ATP9A: variants seen among roughly 807,000 people sequenced by gnomAD.
ATP9A encodes the protein probable phospholipid-transporting ATPase IIA.
ATP9A carries 52 observed loss-of-function variants against 144.1 expected under a neutral mutation model. The observed-to-expected ratio is 0.36, with a 90% CI of 0.29 to 0.45. The LOEUF is 0.45. Among genes scored for constraint, ATP9A ranks in the 20% least tolerant of loss-of-function variants. The probability of loss-of-function intolerance (pLI) is 1.00; values close to 1 mark genes in which losing one functional copy is unlikely to be tolerated. For missense variants in ATP9A, 947 were observed against 1,392.7 expected (o/e 0.68, Z 5.09); for synonymous variants, 582 against 557.4 (o/e 1.04, Z -0.62).
Position 51,618,666 on chromosome 20 carries a change from T to C in ATP9A, c.2346A>G (p.Ala782=). ...LQERTGKLTC[A]VGDGGNDVSM... ...CACAGCCTGAGCCTCGCCTACCTACTGCACAGGTGAGCTTGCCCGTGCGCT... is the reference window on the plus strand; with the variant it reads ...CACAGCCTGAGCCTCGCCTACCTACCGCACAGGTGAGCTTGCCCGTGCGCT... Residue 782 remains alanine (A), a synonymous_variant, in exon 21 of 28, where the codon GCA becomes GCG. Transcript: ENST00000338821. The C allele has an allele frequency of 6.2e-7, 1 of 1,611,464 alleles. No homozygotes were observed. The highest frequency in any genetic ancestry group is 8.5e-7 in the Non-Finnish European group (1 of 1,179,784).
chr20:51,639,326 G>A lies in ATP9A; in HGVS notation c.1668+17C>T, dbSNP rs747247842. 1.9e-6 allele frequency: 3 copies of A among 1,584,546 alleles called. No individual in the cohort carries two copies. The highest frequency in any genetic ancestry group is 1.7e-6 in the Non-Finnish European group (2 of 1,162,200). On this transcript the variant is annotated intron_variant, in intron 15 of 27. Coordinates refer to ENST00000338821, the MANE Select transcript of ATP9A (RefSeq NM_006045.3). The stretch of plus-strand genomic sequence containing the variant: ...GGGGTACTTAAGCACTTTAAGCCAT[G>A]AATAAAAACGACTCACCCGCACGAT...
At chr20:51,747,479 C>T (rs1182493952) in intron 1 of ATP9A, among the ~76,000 whole-genome samples, 1 of 151,966 alleles carries the variant, frequency 6.6e-6, no homozygotes, top group East Asian at 1.9e-4. Flanking sequence ...CATATACACT[C>T]CAGGGAAAGA....
intron 1 of ATP9A, among the ~76,000 whole-genome samples, chr20:51,730,908 C>A (rs1001764961): frequency 6.6e-6 from 1 of 152,190 alleles, no homozygotes; most frequent in East Asian, 1.9e-4. Context: ...GTGGTTTATG[C>A]CTATAATCCC....
chr20:51,615,700 A>G (rs2077200577), intron 22 of ATP9A, among the ~76,000 whole-genome samples: 1 of 152,146 alleles, frequency 6.6e-6, no homozygotes, highest in Admixed American at 6.5e-5. Flanking sequence ...CAGTGGCACA[A>G]TCTCCGCTCA....
At chr20:51,623,395 C>T (rs1380256088) in intron 18 of ATP9A, among the ~76,000 whole-genome samples, 2 of 152,146 alleles carry the variant, frequency 1.3e-5, no homozygotes, top group African/African-American at 2.4e-5. Flanking sequence ...GCTCCAGTCC[C>T]GGCTCTGCTG....
chr20:51,693,210 T>C (rs1856437075), intron 7 of ATP9A, among the ~76,000 whole-genome samples: 2 of 152,152 alleles, frequency 1.3e-5, no homozygotes, highest in African/African-American at 4.8e-5. Flanking sequence ...GAAGCAGGGA[T>C]GCAGGGAGAG....
intron 1 of ATP9A, among the ~76,000 whole-genome samples, chr20:51,757,169 A>G (rs2077860153): frequency 6.6e-6 from 1 of 152,116 alleles, no homozygotes; most frequent in African/African-American, 2.4e-5. Context: ...CATCAAACCC[A>G]AAATATCGGC....
chr20:51,697,514 A>G, intron 4 of ATP9A, 32 bp from the exon 5 acceptor site: 1 of 1,603,222 alleles, frequency 6.2e-7, no homozygotes, highest in Non-Finnish European at 8.5e-7. Context: ...ATACATCACC[A>G]TCTTAATTCA....
chr20:51,758,704 A>ATCATGAGG (rs1277235584), intron 1 of ATP9A, among the ~76,000 whole-genome samples: 1 of 152,134 alleles, frequency 6.6e-6, no homozygotes, highest in Non-Finnish European at 1.5e-5. Flanking sequence ...AGGCGGGCGG[A>ATCATGAGG]TCATGAGGTC....
Position 51,690,781 on chromosome 20 carries a change from C to T in ATP9A, c.681G>A (p.Glu227=), listed in dbSNP as rs2077545052. Residue 227 remains glutamate, a synonymous_variant, in exon 8 of 28, where the codon GAG becomes GAA. Coordinates refer to ENST00000338821, the MANE Select transcript of ATP9A (RefSeq NM_006045.3). ...LQIRSYVYAE[E]PNIDIHNFVG... ...CGAAGTTGTGAATGTCAATATTTGG[C>T]TCTTCTGCGTACACATACGATCGAA... The T allele has an allele frequency of 1.9e-6, 3 of 1,614,170 alleles. No individual in the cohort carries two copies. The highest frequency in any genetic ancestry group is 2.5e-6 in the Non-Finnish European group (3 of 1,180,032).
At position 51,746,064 on chromosome 20, in the gene ATP9A, A is replaced by AT. The variant is rs572673860; in HGVS notation, c.69-16087dup. 3.3e-5 allele frequency among the ~76,000 whole-genome samples: 5 copies of AT among 152,348 alleles called. No individual in the cohort carries two copies. The South Asian group carries it at 1.0e-3, about 32-fold the overall frequency. On this transcript the variant is annotated intron_variant, in intron 1 of 27. Transcript: ENST00000338821. ...AGCTGGAGGCTATTATCCTCAGCAC[A>AT]TTAACACAGGAAAAGAAAGCCAAAT...
chr20:51,750,742 C>T (rs898796899), intron 1 of ATP9A, among the ~76,000 whole-genome samples: 2 of 152,194 alleles, frequency 1.3e-5, no homozygotes, highest in Non-Finnish European at 2.9e-5. Context: ...GCAGGCTGAC[C>T]CCGGAGCCAG....
chr20:51,637,832 A>C (rs1334242513), intron 15 of ATP9A, among the ~76,000 whole-genome samples: 3 of 151,284 alleles, frequency 2.0e-5, no homozygotes, highest in Admixed American at 1.3e-4. Flanking sequence ...CCCAACTTGT[A>C]GTCTTTTATC....
chr20:51,724,153 A>C (rs1443856963), intron 3 of ATP9A, among the ~76,000 whole-genome samples: 10 of 151,976 alleles, frequency 6.6e-5, no homozygotes, highest in Admixed American at 1.3e-4. Flanking sequence ...CCTGGGCAAT[A>C]AGAGCGAAAC....
Position 51,604,916 on chromosome 20 carries a change from C to T in ATP9A, c.2908G>A (p.Ala970Thr). The stretch of plus-strand genomic sequence containing the variant: ...CAGTGCCAGGTCTGGATGGTCAGCG[C>T]CACCATGAGCAGCTCGGTGAGGATC... ...SLILTELLMV[A>T]LTIQTWHWLM... Residue 970 changes from alanine to threonine, a missense_variant, in exon 27 of 28, where the codon GCG becomes ACG. By Grantham distance (58) the Ala-to-Thr change is moderately conservative. Transcript: ENST00000338821. 1 of 1,612,322 alleles carries T rather than the reference C, an allele frequency of 6.2e-7. No homozygotes were observed. The highest frequency in any genetic ancestry group is 8.5e-7 in the Non-Finnish European group (1 of 1,179,152).
chr20:51,718,127 C>A (rs552802224), intron 3 of ATP9A, among the ~76,000 whole-genome samples: 1 of 152,164 alleles, frequency 6.6e-6, no homozygotes, highest in South Asian at 2.1e-4. Context: ...CCAGACTGCA[C>A]ATCACGCTTG....
intron 14 of ATP9A, among the ~76,000 whole-genome samples, chr20:51,644,919 A>C (rs968043086): frequency 6.6e-6 from 1 of 152,228 alleles, no homozygotes; most frequent in Non-Finnish European, 1.5e-5. Flanking sequence ...GCCTGCTTTT[A>C]ACTTTAATCG....
chr20:51,724,858 C>T (rs903480739), intron 3 of ATP9A, among the ~76,000 whole-genome samples: 11 of 152,198 alleles, frequency 7.2e-5, no homozygotes, highest in African/African-American at 2.4e-4. Context: ...CACTCAAATA[C>T]TCTACATTGG....
In ATP9A at chr20:51,689,173, C is replaced by G. The variant is rs187684128; in HGVS notation, c.724-34G>C. 1,007 of 1,599,946 alleles carry G rather than the reference C, an allele frequency of 6.3e-4. 14 individuals carry two copies. In the South Asian group the frequency reaches 8.9e-3, roughly 14 times the overall value. Reference sequence around the variant, plus strand: ...GACCAAACGGACACACGTTCACCCCCCAAAGCTTCCCCAGAATCCACAGGC... The same window carrying G: ...GACCAAACGGACACACGTTCACCCCGCAAAGCTTCCCCAGAATCCACAGGC... On this transcript the variant is annotated intron_variant, in intron 8 of 27. Coordinates refer to ENST00000338821, the MANE Select transcript of ATP9A (RefSeq NM_006045.3).
Sources: gnomAD v4.1 joint callset for allele counts (sites outside exome capture counted in the v4.1 genomes callset) on GRCh38, gnomAD v4.1.1 for gene constraint, MANE v1.5 for transcripts, NCBI Gene and HGNC (gene_info 2026-07-23, HGNC 2026-07-21) for gene names.